Variants in CTNNA3 observed in about 807,000 individuals in gnomAD.
CTNNA3 encodes catenin alpha-3.
A neutral mutation model predicts 95.7 loss-of-function variants in CTNNA3; 76 were observed. The observed-to-expected ratio is 0.79, with a 90% CI of 0.66 to 0.96. The LOEUF is 0.96. Ranked by LOEUF, CTNNA3 falls within the 40% of genes least tolerant of loss-of-function variation. CTNNA3 has a pLI of 0.00. For synonymous variants in CTNNA3, 431 were observed against 374.4 expected, an observed-to-expected ratio of 1.15 and a Z score of -1.74; for missense variants, 1,191 against 1,089.8, an observed-to-expected ratio of 1.09 and a Z score of -1.31.
chr10:66,602,654 G>A (rs571751411), intron 10 of CTNNA3, among the ~76,000 whole-genome samples: 25 of 151,932 alleles, frequency 1.6e-4, no homozygotes, highest in African/African-American at 4.8e-4. Context: ...AAAGGAAACC[G>A]CAGACCAATA....
chr10:67,039,181 A>G (rs1377019072), intron 7 of CTNNA3, among the ~76,000 whole-genome samples: 1 of 152,134 alleles, frequency 6.6e-6, no homozygotes, highest in Non-Finnish European at 1.5e-5. Flanking sequence ...TTAACATTAT[A>G]ACCAAAATTA....
At chr10:67,389,896 C>T (rs1319696607) in intron 5 of CTNNA3, among the ~76,000 whole-genome samples, 2 of 151,330 alleles carry the variant, frequency 1.3e-5, no homozygotes, top group Non-Finnish European at 2.9e-5. Flanking sequence ...ATCTCTGGGA[C>T]ACATTCAAAG....
At chr10:66,342,758 C>A (rs1257386987) in intron 12 of CTNNA3, among the ~76,000 whole-genome samples, 1 of 151,934 alleles carries the variant, frequency 6.6e-6, no homozygotes, top group African/African-American at 2.4e-5. Context: ...GTAATATAAG[C>A]CACATCACAG....
At chr10:66,515,231 G>A (rs540784023) in intron 11 of CTNNA3, among the ~76,000 whole-genome samples, 1 of 151,838 alleles carries the variant, frequency 6.6e-6, no homozygotes, top group South Asian at 2.1e-4. Context: ...TGATTCAGAA[G>A]AAAATGGAAA....
chr10:67,107,328 C>A (rs550043825), intron 7 of CTNNA3, among the ~76,000 whole-genome samples: 1 of 152,260 alleles, frequency 6.6e-6, no homozygotes, highest in South Asian at 2.1e-4. Context: ...CTTTACATTT[C>A]TATTTTATCT....
At chr10:66,208,398 T>C (rs1016781248) in intron 13 of CTNNA3, among the ~76,000 whole-genome samples, 5 of 143,576 alleles carry the variant, frequency 3.5e-5, no homozygotes, top group African/African-American at 1.2e-4. Flanking sequence ...GCTGATAATA[T>C]ACTAGAAACA....
intron 7 of CTNNA3, among the ~76,000 whole-genome samples, chr10:66,959,801 T>G (rs1849018816): frequency 6.6e-6 from 1 of 152,098 alleles, no homozygotes; most frequent in African/African-American, 2.4e-5. Context: ...AACTCAGGAG[T>G]AAGAAACTTT....
At chr10:66,319,531 G>A (rs182426876) in intron 12 of CTNNA3, among the ~76,000 whole-genome samples, 2 of 152,038 alleles carry the variant, frequency 1.3e-5, no homozygotes, top group Non-Finnish European at 2.9e-5. Context: ...GCAACACTTT[G>A]CCTTTTGCTT....
At chr10:66,266,865 C>T (rs945213858) in intron 13 of CTNNA3, among the ~76,000 whole-genome samples, 1 of 151,854 alleles carries the variant, frequency 6.6e-6, no homozygotes, top group African/African-American at 2.4e-5. Context: ...GATTCCATAT[C>T]CTGAGAAAGA....
chr10:66,114,858 G>A (rs910432214), intron 13 of CTNNA3, among the ~76,000 whole-genome samples: 3 of 150,570 alleles, frequency 2.0e-5, no homozygotes, highest in South Asian at 4.2e-4. Flanking sequence ...CAGCCTCAGC[G>A]ACAGAGTGAG....
intron 5 of CTNNA3, among the ~76,000 whole-genome samples, chr10:67,497,864 C>A (rs755510530): frequency 4.6e-5 from 7 of 152,114 alleles, no homozygotes; most frequent in Admixed American, 2.0e-4. Context: ...TTGCAAAAAT[C>A]TTCTCCCATT....
At position 66,845,729 on chromosome 10, in the gene CTNNA3, A is replaced by AC. The variant is rs1843242410; in HGVS notation, c.1048-70206dup. The stretch of plus-strand genomic sequence containing the variant: ...AAAAAAAAAAAAAAAAAAAAAAAAA[A>AC]CTAAAAAGGTGAGATATATATACAT... On this transcript the variant is annotated intron_variant, in intron 7 of 17. Coordinates refer to ENST00000433211, the MANE Select transcript of CTNNA3 (RefSeq NM_013266.4). Among the ~76,000 whole-genome samples the AC allele has an allele frequency of 1.0e-3, 89 of 87,764 alleles. 1 individual carries two copies. Among genetic ancestry groups the AC allele is most frequent in the African/African-American group, 2.7e-3 (72 of 27,092 alleles). The allele number at this position is 87,764 out of a possible 152,430, so 57.6% of individuals were successfully genotyped here.
chr10:66,063,375 T>C (rs1005251694), intron 15 of CTNNA3, among the ~76,000 whole-genome samples: 1 of 150,522 alleles, frequency 6.6e-6, no homozygotes, highest in Non-Finnish European at 1.5e-5. Context: ...TCTGCTTCTC[T>C]ATCAAAGTTG....
chr10:67,484,426 A>T (rs905682708), intron 5 of CTNNA3, among the ~76,000 whole-genome samples: 1 of 152,208 alleles, frequency 6.6e-6, no homozygotes, highest in African/African-American at 2.4e-5. Flanking sequence ...CTAAATCCTC[A>T]AAACCATTTA....
chr10:66,621,643 T>G, intron 10 of CTNNA3, 49 bp downstream of exon 10: 1 of 1,106,034 alleles, frequency 9.0e-7, no homozygotes, highest in South Asian at 1.4e-5. Flanking sequence ...ATAAAAGCAT[T>G]AGGAATTATA....
At chr10:67,747,521 A>G (rs1841380329) in intron 1 of CTNNA3, among the ~76,000 whole-genome samples, 3 of 152,218 alleles carry the variant, frequency 2.0e-5, no homozygotes, top group Admixed American at 2.0e-4. Context: ...CAGCAGCCCT[A>G]CAGAAGAGGG....
At chr10:67,327,018 A>G (rs1841564843) in intron 5 of CTNNA3, among the ~76,000 whole-genome samples, 1 of 152,074 alleles carries the variant, frequency 6.6e-6, no homozygotes. Context: ...CTATTCTGCT[A>G]TTAATACTTG....
intron 6 of CTNNA3, among the ~76,000 whole-genome samples, chr10:67,219,382 A>G (rs974311626): frequency 6.6e-5 from 10 of 152,198 alleles, no homozygotes; most frequent in African/African-American, 1.4e-4. Context: ...ATCCCACTTC[A>G]AATTCATTGG....
chr10:66,926,435 A>T, intron 7 of CTNNA3: 1 of 776,206 alleles, frequency 1.3e-6, no homozygotes, highest in Non-Finnish European at 2.2e-6. Context: ...TAATGTTCCA[A>T]AATCGGTCCA....
Sources: allele counts gnomAD v4.1 joint callset (sites outside exome capture counted in the v4.1 genomes callset), GRCh38; gene constraint gnomAD v4.1.1; transcripts MANE v1.5; gene names NCBI Gene and HGNC (gene_info 2026-07-23, HGNC 2026-07-21).